Variants in RPTOR observed in about 807,000 individuals in gnomAD.
RPTOR encodes regulatory-associated protein of mTOR.
Under a neutral mutation model 169.9 loss-of-function variants are expected in RPTOR, and 21 were observed. The ratio of observed to expected loss-of-function variants is 0.12; its 90% confidence interval spans 0.09 to 0.18. The LOEUF (loss-of-function observed/expected upper bound fraction) is 0.18. Ranked by LOEUF, RPTOR falls within the 10% of genes least tolerant of loss-of-function variation. The pLI is 1.00. For missense variants in RPTOR, 1,133 were observed against 1,855.9 expected (o/e 0.61, Z 7.16); for synonymous variants, 732 against 753.2 (o/e 0.97, Z 0.46).
chr17:80,621,815 A>C (rs1422779069), intron 1 of RPTOR, among the ~76,000 whole-genome samples: 1 of 152,220 alleles, frequency 6.6e-6, no homozygotes, highest in African/African-American at 2.4e-5. Context: ...TTGTGTGGGA[A>C]GTTACTGAGC....
intron 3 of RPTOR, among the ~76,000 whole-genome samples, chr17:80,649,828 C>T (rs996239755): frequency 1.3e-5 from 2 of 152,224 alleles, no homozygotes; most frequent in African/African-American, 2.4e-5. Flanking sequence ...ACGTGCGTGC[C>T]GTGTTCAGTG....
chr17:80,626,810 A>ATTT (rs1599612837), intron 2 of RPTOR, among the ~76,000 whole-genome samples: 1 of 128,572 alleles, frequency 7.8e-6, no homozygotes. Flanking sequence ...TATTATTATT[A>ATTT]TTTTTCATTC....
intron 10 of RPTOR, among the ~76,000 whole-genome samples, chr17:80,840,884 G>C (rs1210333014): frequency 3.5e-5 from 4 of 113,890 alleles, no homozygotes; most frequent in Admixed American, 8.8e-5. Context: ...CTCACCACAC[G>C]GCAGCTCACA....
At chr17:80,761,544 C>G (rs533676119) in intron 6 of RPTOR, among the ~76,000 whole-genome samples, 34 of 152,254 alleles carry the variant, frequency 2.2e-4, no homozygotes, top group African/African-American at 8.2e-4. Context: ...TCTGGCCAGG[C>G]TAAGTGGTTT....
chr17:80,657,979 G>A (rs1426219593), intron 3 of RPTOR, among the ~76,000 whole-genome samples: 4 of 151,598 alleles, frequency 2.6e-5, no homozygotes, highest in South Asian at 2.1e-4. Flanking sequence ...TATTTGTTTC[G>A]TGGTAACCCT....
intron 2 of RPTOR, among the ~76,000 whole-genome samples, chr17:80,626,721 T>TG (rs2065397552): frequency 1.3e-5 from 2 of 149,230 alleles, no homozygotes; most frequent in Admixed American, 1.3e-4. Context: ...AGAGACTGTT[T>TG]TTTTTTTTTT....
intron 1 of RPTOR, among the ~76,000 whole-genome samples, chr17:80,580,860 T>A (rs1336371245): frequency 6.6e-6 from 1 of 152,162 alleles, no homozygotes; most frequent in Non-Finnish European, 1.5e-5. Context: ...ACTTCTGAGC[T>A]AAAGTGATCC....
At chr17:80,594,083 CTCTTT>C (rs2065126807) in intron 1 of RPTOR, among the ~76,000 whole-genome samples, 1 of 151,432 alleles carries the variant, frequency 6.6e-6, no homozygotes, top group African/African-American at 2.4e-5. Flanking sequence ...CTCTTCTCTT[CTCTTT>C]TCTCTTTTCT....
intron 21 of RPTOR, among the ~76,000 whole-genome samples, chr17:80,922,373 C>T (rs2068755939): frequency 1.3e-5 from 2 of 152,152 alleles, no homozygotes; most frequent in Non-Finnish European, 2.9e-5. Context: ...CGCCAGGAGC[C>T]GCCCCTCTGG....
chr17:80,723,754 A>G (rs1421583198), intron 4 of RPTOR, among the ~76,000 whole-genome samples: 3 of 151,402 alleles, frequency 2.0e-5, no homozygotes, highest in African/African-American at 7.4e-5. Context: ...ACACATGCAT[A>G]TTGATTTGCG....
intron 7 of RPTOR, among the ~76,000 whole-genome samples, 182 bp downstream of exon 7, chr17:80,791,691 G>A (rs2067050316): frequency 1.3e-5 from 2 of 152,148 alleles, no homozygotes; most frequent in Admixed American, 1.3e-4. Context: ...GCTTAGTGCA[G>A]GAGATAACCA....
At chr17:80,918,468 C>T (rs1437713284) in intron 21 of RPTOR, among the ~76,000 whole-genome samples, 2 of 100,762 alleles carry the variant, frequency 2.0e-5, no homozygotes, top group African/African-American at 7.6e-5. Context: ...AGCACCCTCG[C>T]CGGAGTCATA....
chr17:80,959,520 C>T lies in RPTOR; in HGVS notation c.3478-558C>T, dbSNP rs546661050. On this transcript the variant is annotated intron_variant, in intron 29 of 33. Transcript: ENST00000306801. The surrounding 1 kb of genome is among the most constrained non-coding windows in gnomAD (Gnocchi z 6.7). ...CGTGCGTGGAAAGCGCTCTCCCTCT[C>T]GTGGCCCTTTTCCTCCTGCGTCCCT... is the stretch of plus-strand genomic sequence containing the variant. Among the ~76,000 whole-genome samples, 140 of 152,304 alleles carry T rather than the reference C, an allele frequency of 9.2e-4. No individual in the cohort carries two copies. The highest frequency in any genetic ancestry group is 5.0e-3 in the Admixed American group (76 of 15,312).
chr17:80,775,050 G>C (rs1044314977), intron 6 of RPTOR, among the ~76,000 whole-genome samples: 3 of 152,170 alleles, frequency 2.0e-5, no homozygotes, highest in Non-Finnish European at 4.4e-5. Flanking sequence ...GCATCTTCAT[G>C]GTGTAAGTCT....
At chr17:80,801,539 G>A (rs546349912) in intron 7 of RPTOR, 43 of 152,328 alleles carry the variant, frequency 2.8e-4, no homozygotes, top group African/African-American at 8.9e-4. Context: ...GGCAGCACTC[G>A]TGTCAGAGGC....
At position 80,639,630 on chromosome 17, in the gene RPTOR, G is replaced by A. The variant is rs542258152; in HGVS notation, c.266-4098G>A. Among the ~76,000 whole-genome samples, 6 of 152,290 alleles carry A rather than the reference G, an allele frequency of 3.9e-5. No individual in the cohort carries two copies. The South Asian group carries it at 1.2e-3, about 32-fold the overall frequency. On this transcript the variant is annotated intron_variant, in intron 2 of 33. Transcript: ENST00000306801. ...GGGGTCAGCCTGCGCTCATCTTCAG[G>A]GTGGACTGAGAAGAGAAAGACTAGG...
intron 25 of RPTOR, among the ~76,000 whole-genome samples, chr17:80,943,722 G>A: frequency 6.6e-6 from 1 of 151,224 alleles, no homozygotes; most frequent in South Asian, 2.1e-4. Context: ...CAGAAGTTCA[G>A]GTGAGGACAC....
chr17:80,721,506 G>C lies in RPTOR; in HGVS notation c.508-9054G>C, dbSNP rs149055217. 4.6e-5 allele frequency among the ~76,000 whole-genome samples: 7 copies of C among 151,544 alleles called. No individual in the cohort carries two copies. The highest frequency in any genetic ancestry group is 1.7e-4 in the African/African-American group (7 of 40,804). On this transcript the variant is annotated intron_variant, in intron 4 of 33. Coordinates refer to ENST00000306801, the MANE Select transcript of RPTOR (RefSeq NM_020761.3). The surrounding 1 kb of genome is among the most constrained non-coding windows in gnomAD (Gnocchi z 4.7). ...CTGGCCCTGGAAAGAGGCACACCCA[G>C]CAGCGGGCTCTCCTGGCTCACCCGG...
chr17:80,662,981 A>G (rs1002541309), intron 3 of RPTOR, among the ~76,000 whole-genome samples: 3 of 152,200 alleles, frequency 2.0e-5, no homozygotes, highest in African/African-American at 7.2e-5. Flanking sequence ...AGGGAGGTGG[A>G]ATCAGCCTTG....
Sources: allele counts gnomAD v4.1 joint callset (sites outside exome capture counted in the v4.1 genomes callset), GRCh38; gene constraint gnomAD v4.1.1; non-coding constraint Gnocchi (gnomAD v3.1); transcripts MANE v1.5; gene names NCBI Gene and HGNC (gene_info 2026-07-23, HGNC 2026-07-21).